The following DROSHA variants were observed in gnomAD, a reference collection of about 807,000 sequenced individuals.
DROSHA encodes the protein ribonuclease 3.
Under a neutral mutation model 181.9 loss-of-function variants are expected in DROSHA, and 56 were observed. The observed-to-expected ratio is 0.31, with a 90% CI of 0.25 to 0.38. The LOEUF is 0.38. DROSHA is among the 10% of genes least tolerant of loss of function. DROSHA has a pLI of 1.00. For missense variants in DROSHA, 1,218 were observed against 1,743.5 expected, an observed-to-expected ratio of 0.70 and a Z score of 5.37; for synonymous variants, 524 against 591.2, an observed-to-expected ratio of 0.89 and a Z score of 1.65.
Position 31,504,653 on chromosome 5 carries a change from T to C in DROSHA, c.1588-18A>G. On this transcript the variant is annotated intron_variant, in intron 10 of 35. Transcript: ENST00000344624. ...TCATTCATCTGTCAGAAACACAATG[T>C]AATTCGTTTTTATTGGAGGGAAAAA... The C allele has an allele frequency of 6.2e-7, 1 of 1,613,474 alleles. No homozygotes were observed. The highest frequency in any genetic ancestry group is 8.5e-7 in the Non-Finnish European group (1 of 1,179,670).
At chr5:31,501,946 G>A (rs964454470) in intron 11 of DROSHA, among the ~76,000 whole-genome samples, 1 of 152,204 alleles carries the variant, frequency 6.6e-6, no homozygotes, top group Admixed American at 6.5e-5. Flanking sequence ...CGCAGTGGAT[G>A]TGAGATAAAC....
intron 17 of DROSHA, among the ~76,000 whole-genome samples, chr5:31,469,468 A>T (rs760714109): frequency 2.8e-4 from 42 of 152,370 alleles, no homozygotes; most frequent in Non-Finnish European, 5.3e-4. Flanking sequence ...AAATTTGAAA[A>T]TGGAAAATAT....
chr5:31,512,762 C>T (rs775503029), intron 8 of DROSHA, among the ~76,000 whole-genome samples: 4 of 152,112 alleles, frequency 2.6e-5, no homozygotes, highest in South Asian at 4.1e-4. Flanking sequence ...TTGCTGGCTT[C>T]GAAGACAGAG....
At chr5:31,477,749 C>T (rs967504139) in intron 16 of DROSHA, among the ~76,000 whole-genome samples, 2 of 152,200 alleles carry the variant, frequency 1.3e-5, no homozygotes, top group African/African-American at 4.8e-5. Context: ...ACCTTTGCCC[C>T]AGTTACACTC....
At chr5:31,471,300 G>A (rs544926239) in intron 17 of DROSHA, among the ~76,000 whole-genome samples, 5 of 151,952 alleles carry the variant, frequency 3.3e-5, no homozygotes, top group South Asian at 2.1e-4. Flanking sequence ...TTATTTTCAC[G>A]GAAATATTTT....
chr5:31,483,831 T>C (rs939956249), intron 15 of DROSHA, among the ~76,000 whole-genome samples: 2 of 152,132 alleles, frequency 1.3e-5, no homozygotes, highest in Non-Finnish European at 2.9e-5. Flanking sequence ...CAAGGAAGAC[T>C]GCAATGAGGA....
chr5:31,448,803 C>T (rs755852533), intron 22 of DROSHA, among the ~76,000 whole-genome samples, 196 bp from the exon 23 acceptor site: 1 of 151,960 alleles, frequency 6.6e-6, no homozygotes, highest in Admixed American at 6.6e-5. Context: ...ACTCATCAAC[C>T]CTTATTATAG....
chr5:31,416,935 T>C (rs1742017607), intron 30 of DROSHA, among the ~76,000 whole-genome samples: 1 of 152,052 alleles, frequency 6.6e-6, no homozygotes, highest in Non-Finnish European at 1.5e-5. Context: ...GACCAAGGAA[T>C]CAGGAATGGA....
At chr5:31,417,467 G>A (rs1022775346) in intron 30 of DROSHA, among the ~76,000 whole-genome samples, 15 of 152,114 alleles carry the variant, frequency 9.9e-5, no homozygotes, top group African/African-American at 1.4e-4. Flanking sequence ...TGACTGGGGC[G>A]CGGGGTATGA....
At chr5:31,422,302 T>A (rs1156609446) in intron 29 of DROSHA, among the ~76,000 whole-genome samples, 1 of 152,124 alleles carries the variant, frequency 6.6e-6, no homozygotes, top group Non-Finnish European at 1.5e-5. Flanking sequence ...GCTTATTTTC[T>A]TAATTGTTTC....
chr5:31,489,864 ATACCT>A (rs1173460624), intron 13 of DROSHA, among the ~76,000 whole-genome samples: 1 of 144,070 alleles, frequency 6.9e-6, no homozygotes, highest in East Asian at 2.2e-4. Flanking sequence ...ACTCATACAT[ATACCT>A]TACATTTTTT....
chr5:31,469,983 T>C (rs1749547652), intron 17 of DROSHA, among the ~76,000 whole-genome samples: 1 of 152,214 alleles, frequency 6.6e-6, no homozygotes, highest in Non-Finnish European at 1.5e-5. Flanking sequence ...GAGGATGAAA[T>C]GTAGTGTGGT....
chr5:31,422,672 G>T, intron 29 of DROSHA, 115 bp downstream of exon 29: 2 of 1,336,832 alleles, frequency 1.5e-6, no homozygotes, highest in Non-Finnish European at 2.1e-6. Flanking sequence ...CTCACAATGT[G>T]ACTTTCCTGG....
At chr5:31,426,496 T>C (rs1743489301) in intron 27 of DROSHA, among the ~76,000 whole-genome samples, 1 of 152,166 alleles carries the variant, frequency 6.6e-6, no homozygotes. Context: ...ATATAAGTGT[T>C]AGGAAAACTG....
rs755271209 is a variant in DROSHA at position 31,468,802 on chromosome 5, C to G, written c.2242-739G>C. Reference sequence around the variant, plus strand: ...CAGTCTCAATTAGAGATTCAGTTTTCACTAGCACACTGTAGAGTCTGCGGC... The same window carrying G: ...CAGTCTCAATTAGAGATTCAGTTTTGACTAGCACACTGTAGAGTCTGCGGC... On this transcript the variant is annotated intron_variant, in intron 17 of 35. Coordinates refer to ENST00000344624, the MANE Select transcript of DROSHA (RefSeq NM_001382508.1). Among the ~76,000 whole-genome samples the G allele has an allele frequency of 4.1e-4, 62 of 152,188 alleles. 1 individual carries two copies. The highest frequency in any genetic ancestry group is 1.5e-4 in the Non-Finnish European group (10 of 68,036).
In DROSHA at chr5:31,406,847, T is replaced by C; in HGVS notation, c.3947+6A>G. ...CAAAGCAATTCCAGGTATTCTCTTC[T>C]CATACCTTGGTCCTTTCCCACAGCC... On this transcript the variant is annotated splice_donor_region_variant and intron_variant, in intron 34 of 35. Transcript: ENST00000344624. The C allele has an allele frequency of 6.2e-7, 1 of 1,612,334 alleles. No homozygotes were observed. Among genetic ancestry groups the C allele is most frequent in the Non-Finnish European group, 8.5e-7 (1 of 1,178,578 alleles).
rs1307792158 is a variant in DROSHA, at chr5:31,514,694, A to C, written c.1290+294T>G. Among the ~76,000 whole-genome samples the C allele has an allele frequency of 6.6e-6, 1 of 152,118 alleles. No individual in the cohort carries two copies. The highest frequency in any genetic ancestry group is 2.4e-5 in the African/African-American group (1 of 41,420). On this transcript the variant is annotated intron_variant, in intron 8 of 35. Transcript: ENST00000344624. The surrounding 1 kb of genome is among the most constrained non-coding windows in gnomAD (Gnocchi z 4.4). ...TATAAAAAGATATTTTAATTAACCTACTGCACTCTTGGCTTTTAGCTTTTT... is the reference window on the plus strand; with the variant it reads ...TATAAAAAGATATTTTAATTAACCTCCTGCACTCTTGGCTTTTAGCTTTTT...
intron 13 of DROSHA, among the ~76,000 whole-genome samples, chr5:31,487,392 C>A (rs1047937010): frequency 6.6e-6 from 1 of 152,182 alleles, no homozygotes; most frequent in African/African-American, 2.4e-5. Flanking sequence ...TCTTACTTTA[C>A]CAATGTATCA....
At chr5:31,423,868 T>C (rs1389946826) in intron 28 of DROSHA, among the ~76,000 whole-genome samples, 1 of 152,158 alleles carries the variant, frequency 6.6e-6, no homozygotes, top group Non-Finnish European at 1.5e-5. Flanking sequence ...GGGAAATAGG[T>C]GCCACCACCA....
Sources: gnomAD v4.1 joint callset for allele counts (sites outside exome capture counted in the v4.1 genomes callset) on GRCh38, gnomAD v4.1.1 for gene constraint, Gnocchi (gnomAD v3.1) non-coding constraint, MANE v1.5 for transcripts, NCBI Gene and HGNC (gene_info 2026-07-23, HGNC 2026-07-21) for gene names.